SLC9B1: variants seen among roughly 807,000 people sequenced by gnomAD.
SLC9B1 encodes the protein solute carrier family 9 member B1, also known as sodium/hydrogen exchanger 9B1.
Under a neutral mutation model 51.7 loss-of-function variants are expected in SLC9B1, and 32 were observed. That is an observed-to-expected ratio of 0.62 (90% CI 0.47 to 0.83). The LOEUF (loss-of-function observed/expected upper bound fraction) is 0.83. Among genes scored for constraint, SLC9B1 ranks in the 40% least tolerant of loss-of-function variants. The probability of loss-of-function intolerance (pLI) is 0.00; values close to 1 mark genes in which losing one functional copy is unlikely to be tolerated. For synonymous variants in SLC9B1, 145 were observed against 212.7 expected, an observed-to-expected ratio of 0.68 and a Z score of 2.77; for missense variants, 406 against 613.2, an observed-to-expected ratio of 0.66 and a Z score of 3.57.
At chr4:102,970,014 G>A (rs766854561) in intron 3 of SLC9B1, among the ~76,000 whole-genome samples, 14 of 152,190 alleles carry the variant, frequency 9.2e-5, no homozygotes, top group Non-Finnish European at 1.0e-4. Flanking sequence ...AAGTTTGATT[G>A]GTGTACTTGA....
intron 4 of SLC9B1, among the ~76,000 whole-genome samples, chr4:102,948,366 A>ACACACACG (rs1385767208): frequency 3.2e-4 from 48 of 150,486 alleles, no homozygotes; most frequent in African/African-American, 1.2e-3. Flanking sequence ...ACACACACAC[A>ACACACACG]CTACTGGTCA....
chr4:102,898,194 G>A, downstream of SLC9B1: 1 of 519,414 alleles, frequency 1.9e-6, no homozygotes, highest in Middle Eastern at 3.5e-4. Flanking sequence ...AGCTAAAGAG[G>A]CTGCCCAGAA....
chr4:102,919,276 A>G (rs1247748721), intron 7 of SLC9B1, among the ~76,000 whole-genome samples: 1 of 152,188 alleles, frequency 6.6e-6, no homozygotes, highest in East Asian at 1.9e-4. Flanking sequence ...TAAGGCTGCA[A>G]ATCTTCCAAA....
chr4:103,000,286 A>G (rs1342495935), intron 1 of SLC9B1, among the ~76,000 whole-genome samples: 1 of 152,144 alleles, frequency 6.6e-6, no homozygotes, highest in African/African-American at 2.4e-5. Context: ...ACAGTCCCCC[A>G]AAGTCTTAAC....
chr4:102,904,871 C>A (rs9761999), intron 11 of SLC9B1, among the ~76,000 whole-genome samples: 4,220 of 151,878 alleles, frequency 0.028, 189 homozygotes, highest in African/African-American at 0.093. Context: ...ATAATCCCAG[C>A]TACTCAGAAG....
intron 1 of SLC9B1, among the ~76,000 whole-genome samples, chr4:102,994,610 C>G (rs945752028): frequency 1.7e-4 from 26 of 152,032 alleles, no homozygotes; most frequent in Admixed American, 8.5e-4. Context: ...TACATTAGTC[C>G]TTTTTCACGC....
intron 3 of SLC9B1, among the ~76,000 whole-genome samples, chr4:102,950,332 G>A (rs1737483848): frequency 6.6e-6 from 1 of 152,180 alleles, no homozygotes; most frequent in African/African-American, 2.4e-5. Context: ...AGGAAGTAGA[G>A]GTAGATAAGA....
At chr4:102,893,307 A>T (rs913147975) in intron 11 of SLC9B1, among the ~76,000 whole-genome samples, 1 of 143,226 alleles carries the variant, frequency 7.0e-6, no homozygotes, top group Non-Finnish European at 1.5e-5. Context: ...AAAAAAAAAG[A>T]AAAAGAAAAA....
intron 1 of SLC9B1, among the ~76,000 whole-genome samples, chr4:103,007,610 T>C (rs1335330167): frequency 6.7e-6 from 1 of 149,034 alleles, no homozygotes; most frequent in African/African-American, 2.5e-5. Context: ...TTTTTTTTTT[T>C]TTTCTGGAGA....
chr4:102,887,525 T>TTTA (rs1399310083), intron 11 of SLC9B1: 1 of 687,230 alleles, frequency 1.5e-6, no homozygotes, highest in African/African-American at 1.8e-5. Context: ...TTTCTTCCAA[T>TTTA]TTATTTTCTT....
chr4:103,004,695 G>A (rs1740692523), intron 1 of SLC9B1, among the ~76,000 whole-genome samples: 1 of 152,132 alleles, frequency 6.6e-6, no homozygotes, highest in African/African-American at 2.4e-5. Flanking sequence ...AAAGAGGCAG[G>A]TCATCTACAA....
chr4:102,987,980 T>G (rs1025398278), intron 3 of SLC9B1, among the ~76,000 whole-genome samples: 1 of 152,188 alleles, frequency 6.6e-6, no homozygotes, highest in South Asian at 2.1e-4. Context: ...TGACTTCTAA[T>G]CTCCTTACGT....
chr4:102,997,405 AT>A (rs951766057), intron 1 of SLC9B1, among the ~76,000 whole-genome samples: 3 of 152,078 alleles, frequency 2.0e-5, no homozygotes, highest in African/African-American at 7.2e-5. Flanking sequence ...CATTAGGCTT[AT>A]TTTTAGGTAT....
At chr4:102,950,881 G>A (rs1737518949) in intron 3 of SLC9B1, among the ~76,000 whole-genome samples, 1 of 152,164 alleles carries the variant, frequency 6.6e-6, no homozygotes, top group Admixed American at 6.5e-5. Flanking sequence ...TATAATCCCA[G>A]CTACTTGGGA....
rs371027426 is a variant in SLC9B1, at chr4:102,931,823, A to T, written c.829+301T>A. Among the ~76,000 whole-genome samples, 14 of 152,320 alleles carry T rather than the reference A, an allele frequency of 9.2e-5. 1 individual carries two copies. The South Asian group carries it at 1.5e-3, about 16-fold the overall frequency. On this transcript the variant is annotated intron_variant, in intron 7 of 11. Transcript: ENST00000296422. The stretch of plus-strand genomic sequence containing the variant: ...TTAGTAGTACAAATAATACCGCTGA[A>T]TTTTTTCTAATGAGAACTGATAAAA...
chr4:103,009,666 G>A (rs1740990906), intron 1 of SLC9B1, among the ~76,000 whole-genome samples: 1 of 152,150 alleles, frequency 6.6e-6, no homozygotes, highest in African/African-American at 2.4e-5. Context: ...CTGACATGTA[G>A]TAGGCATTTA....
intron 6 of SLC9B1, among the ~76,000 whole-genome samples, chr4:102,935,489 T>G (rs1339338065): frequency 6.6e-6 from 1 of 152,192 alleles, no homozygotes; most frequent in East Asian, 1.9e-4. Context: ...TAGACAAACT[T>G]ATATTTAAGT....
At chr4:102,893,666 G>A (rs1382646359) in intron 11 of SLC9B1, among the ~76,000 whole-genome samples, 2 of 152,074 alleles carry the variant, frequency 1.3e-5, no homozygotes, top group Non-Finnish European at 2.9e-5. Flanking sequence ...GCTTACACCT[G>A]TAATCCCAGC....
At chr4:102,982,390 C>T (rs973413072) in intron 3 of SLC9B1, among the ~76,000 whole-genome samples, 3 of 152,008 alleles carry the variant, frequency 2.0e-5, no homozygotes, top group Non-Finnish European at 4.4e-5. Context: ...TTTTCTGGGT[C>T]TTTTGCCTGC....
Sources: allele counts gnomAD v4.1 joint callset (sites outside exome capture counted in the v4.1 genomes callset), GRCh38; gene constraint gnomAD v4.1.1; transcripts MANE v1.5; gene names NCBI Gene and HGNC (gene_info 2026-07-23, HGNC 2026-07-21).